Variants in MAP3K13 observed in about 807,000 individuals in gnomAD.
MAP3K13 encodes the protein mitogen-activated protein kinase kinase kinase 13.
A neutral mutation model predicts 104.0 loss-of-function variants in MAP3K13; 52 were observed. The ratio of observed to expected loss-of-function variants is 0.50; its 90% CI spans 0.40 to 0.63. MAP3K13 has a LOEUF of 0.63. Ranked by LOEUF, MAP3K13 falls within the 20% of genes least tolerant of loss-of-function variation. MAP3K13 has a pLI of 0.00. For missense variants in MAP3K13, 914 were observed against 1,218.5 expected (o/e 0.75, Z 3.72); for synonymous variants, 394 against 442.2 (o/e 0.89, Z 1.37).
In MAP3K13 at chr3:185,486,424, G is replaced by T. The variant is rs570699171; in HGVS notation, c.*3968G>T. On this transcript the variant is annotated 3_prime_UTR_variant, in exon 14 of 14. Transcript: ENST00000265026. ...AGGTCCTTAGTGGAGGTTAAAAAGG[G>T]AAATACCTTCTCTAGCCCAGCCTGG... is the stretch of plus-strand genomic sequence containing the variant. 1 of 152,322 alleles carries T rather than the reference G, an allele frequency of 6.6e-6. No individual in the cohort carries two copies. Among genetic ancestry groups the T allele is most frequent in the African/African-American group, 2.4e-5 (1 of 41,578 alleles). 9.4% of individuals were successfully genotyped at this position (152,322 alleles called of 1,614,324 possible). A position where few individuals can be genotyped will look rare whatever the true frequency, so the allele number is the denominator to read the frequency against.
chr3:185,470,015 T>C (rs1269064441), intron 10 of MAP3K13, among the ~76,000 whole-genome samples: 1 of 152,032 alleles, frequency 6.6e-6, no homozygotes, highest in Non-Finnish European at 1.5e-5. Context: ...TGTACAGAGG[T>C]TTCTCAGAGG....
chr3:185,357,991 C>A, intron 2 of MAP3K13, among the ~76,000 whole-genome samples: 1 of 152,034 alleles, frequency 6.6e-6, no homozygotes, highest in Non-Finnish European at 1.5e-5. Flanking sequence ...TAACATGAGG[C>A]TTTAATCTTC....
chr3:185,428,571 C>T lies in MAP3K13; in HGVS notation c.-11C>T, dbSNP rs756511162. On this transcript the variant is annotated 5_prime_UTR_variant, in exon 2 of 14. Coordinates refer to ENST00000265026, the MANE Select transcript of MAP3K13 (RefSeq NM_004721.5). ...GTGTCATCTCAGGACTTTGGTTATA[C>T]TCATGGCACGATGGCCAACTTTCAG... The T allele has an allele frequency of 6.4e-7, 1 of 1,569,816 alleles. No homozygotes were observed. Among genetic ancestry groups the T allele is most frequent in the East Asian group, 2.3e-5 (1 of 44,426 alleles).
chr3:185,369,777 T>G (rs956945201), intron 1 of MAP3K13, among the ~76,000 whole-genome samples: 8 of 152,228 alleles, frequency 5.3e-5, no homozygotes, highest in African/African-American at 1.9e-4. Context: ...ATAGTAAAGT[T>G]TTTAATAAAG....
At chr3:185,323,958 A>T (rs1286796864) in intron 2 of MAP3K13, among the ~76,000 whole-genome samples, 1 of 152,018 alleles carries the variant, frequency 6.6e-6, no homozygotes, top group Non-Finnish European at 1.5e-5. Context: ...TTGTACTTTT[A>T]ATTTTGATTT....
At chr3:185,455,023 T>C (rs1577584809) in intron 7 of MAP3K13, among the ~76,000 whole-genome samples, 1 of 118,082 alleles carries the variant, frequency 8.5e-6, no homozygotes, top group South Asian at 2.7e-4. Flanking sequence ...ATATGATATA[T>C]ATGAGATATA....
chr3:185,413,550 G>A (rs1471896539), intron 1 of MAP3K13, among the ~76,000 whole-genome samples: 2 of 152,156 alleles, frequency 1.3e-5, no homozygotes, highest in Non-Finnish European at 1.5e-5. Flanking sequence ...GGCTGGGCGC[G>A]GTGGTTCACA....
intron 1 of MAP3K13, among the ~76,000 whole-genome samples, chr3:185,420,547 G>A (rs1427145736): frequency 6.6e-6 from 1 of 152,214 alleles, no homozygotes; most frequent in African/African-American, 2.4e-5. Context: ...AGATGGCAGT[G>A]TTGTATTCAT....
At chr3:185,382,715 C>T (rs1322871205) in intron 1 of MAP3K13, among the ~76,000 whole-genome samples, 1 of 152,034 alleles carries the variant, frequency 6.6e-6, no homozygotes, top group African/African-American at 2.4e-5. Context: ...AAAAAAGAGC[C>T]TGGTACCGGC....
intron 1 of MAP3K13, among the ~76,000 whole-genome samples, chr3:185,385,889 C>T (rs866592968): frequency 8.6e-5 from 13 of 151,872 alleles, no homozygotes; most frequent in East Asian, 5.8e-4. Context: ...TATAGTCCAA[C>T]GTACTCAGGA....
intron 4 of MAP3K13, among the ~76,000 whole-genome samples, chr3:185,445,141 T>C (rs1715527815): frequency 6.6e-6 from 1 of 152,212 alleles, no homozygotes; most frequent in African/African-American, 2.4e-5. Flanking sequence ...GTAACAAGTA[T>C]TGTTATTTTA....
chr3:185,415,865 G>A (rs531920400), intron 1 of MAP3K13, among the ~76,000 whole-genome samples: 1 of 152,196 alleles, frequency 6.6e-6, no homozygotes, highest in Admixed American at 6.5e-5. Flanking sequence ...TTGCAGGTGT[G>A]AGCCACTGCT....
At chr3:185,360,485 CA>C (rs1400278859), upstream of MAP3K13, among the ~76,000 whole-genome samples, 1 of 152,094 alleles carries the variant, frequency 6.6e-6, no homozygotes, top group African/African-American at 2.4e-5. Context: ...CTATATCTTC[CA>C]TAATTTGGTG....
chr3:185,310,562 C>T (rs1026599041), intron 2 of MAP3K13, among the ~76,000 whole-genome samples: 15 of 152,030 alleles, frequency 9.9e-5, no homozygotes, highest in Non-Finnish European at 1.9e-4. Context: ...TAAAAAGAGT[C>T]ATATGGACAC....
In MAP3K13 at chr3:185,355,937, T is replaced by C. The variant is rs549281801; in HGVS notation, c.-86+70294T>C. ...CTGAGGTGCTGTGCTATACCTGTAATTACTTCCATTTTACAGTGAGTCATT... is the reference window on the plus strand; with the variant it reads ...CTGAGGTGCTGTGCTATACCTGTAACTACTTCCATTTTACAGTGAGTCATT... On this transcript the variant is annotated intron_variant, in intron 2 of 14. Coordinates refer to the MAP3K13 transcript ENST00000424227. 1.2e-3 allele frequency among the ~76,000 whole-genome samples: 179 copies of C among 152,326 alleles called. 1 individual carries two copies. The highest frequency in any genetic ancestry group is 1.3e-3 in the Non-Finnish European group (87 of 68,022).
chr3:185,433,058 C>T (rs1560104002), intron 2 of MAP3K13, among the ~76,000 whole-genome samples: 1 of 152,220 alleles, frequency 6.6e-6, no homozygotes, highest in Non-Finnish European at 1.5e-5. Context: ...TTATGAGGAA[C>T]TGTCACTGGA....
chr3:185,395,485 A>G (rs1364683311), intron 1 of MAP3K13, among the ~76,000 whole-genome samples: 4 of 105,170 alleles, frequency 3.8e-5, no homozygotes, highest in East Asian at 2.7e-4. Flanking sequence ...CAGCCTCCCA[A>G]GTAGCTGGGA....
chr3:185,335,173 T>C (rs1180640392), intron 2 of MAP3K13, among the ~76,000 whole-genome samples: 1 of 152,236 alleles, frequency 6.6e-6, no homozygotes, highest in African/African-American at 2.4e-5. Flanking sequence ...AATATGTTAA[T>C]GTTTCTAGTA....
intron 1 of MAP3K13, among the ~76,000 whole-genome samples, chr3:185,365,004 A>G (rs751222366): frequency 2.6e-5 from 4 of 152,208 alleles, no homozygotes; most frequent in Admixed American, 6.5e-5. Context: ...ATATTTAAAA[A>G]ATGTTGTTTA....
Sources: gnomAD v4.1 joint callset for allele counts (sites outside exome capture counted in the v4.1 genomes callset) on GRCh38, gnomAD v4.1.1 for gene constraint, MANE v1.5 for transcripts, NCBI Gene and HGNC (gene_info 2026-07-23, HGNC 2026-07-21) for gene names.